MAPK4: variants seen among roughly 807,000 people sequenced by gnomAD.
MAPK4 encodes the protein Erk3-related.
MAPK4 carries 22 observed loss-of-function variants against 47.7 expected under a neutral mutation model. The observed-to-expected ratio is 0.46, with a 90% CI of 0.33 to 0.66. MAPK4 has a LOEUF of 0.66. MAPK4 is among the 30% of genes least tolerant of loss of function. The pLI is 0.02. For synonymous variants in MAPK4, 390 were observed against 365.7 expected (o/e 1.07, Z -0.76); for missense variants, 736 against 831.7 (o/e 0.88, Z 1.42).
chr18:50,626,223 A>G (rs954404760), intron 1 of MAPK4, among the ~76,000 whole-genome samples: 4 of 152,230 alleles, frequency 2.6e-5, no homozygotes, highest in Non-Finnish European at 5.9e-5. Flanking sequence ...TTACAGAAAC[A>G]TCCAGAATAA....
At chr18:50,609,630 T>C (rs983257946) in intron 1 of MAPK4, among the ~76,000 whole-genome samples, 2 of 152,166 alleles carry the variant, frequency 1.3e-5, no homozygotes, top group African/African-American at 2.4e-5. Context: ...GGTACTATTC[T>C]AAGTGCTTGA....
intron 1 of MAPK4, among the ~76,000 whole-genome samples, chr18:50,616,225 C>A (rs886161281): frequency 6.6e-6 from 1 of 152,100 alleles, no homozygotes; most frequent in Non-Finnish European, 1.5e-5. Flanking sequence ...TTGAAAGATG[C>A]CTGGACAGTG....
chr18:50,616,806 T>C (rs2042688648), intron 1 of MAPK4, among the ~76,000 whole-genome samples: 1 of 152,244 alleles, frequency 6.6e-6, no homozygotes, highest in African/African-American at 2.4e-5. Context: ...CCTGCTTTTA[T>C]GCTGTCAGCT....
In MAPK4 at chr18:50,729,193, G is replaced by T; in HGVS notation, c.1103G>T (p.Arg368Leu). The change falls in exon 6 of 6, where the codon CGG (arginine) becomes CTG (leucine). Residue 368 changes from arginine (R) to leucine (L), a missense_variant. Physicochemically the swap from Arg to Leu is moderately radical, Grantham distance 102. This residue lies in a region of MAPK4 where 377 missense variants were observed against 378.6 expected (regional missense o/e 1.00). Transcript: ENST00000400384. ...AGCCTGTCGTCGGACCTGGAGTGGC[G>T]GCCTGACCGGTGCCAGGACGCCAGC... is the stretch of plus-strand genomic sequence containing the variant. ...PVSLSSDLEW[R>L]PDRCQDASEV... is the part of the protein sequence containing the mutation. 6.3e-7 allele frequency: 1 copy of T among 1,592,472 alleles called. No homozygotes were observed. The highest frequency in any genetic ancestry group is 1.1e-5 in the South Asian group (1 of 90,064).
chr18:50,605,882 A>G lies in MAPK4; in HGVS notation c.-871+45639A>G, dbSNP rs191729089. Among the ~76,000 whole-genome samples, 39 of 152,126 alleles carry G rather than the reference A, an allele frequency of 2.6e-4. No homozygotes were observed. The East Asian group carries it at 6.0e-3, about 23-fold the overall frequency. On this transcript the variant is annotated intron_variant, in intron 1 of 5. Transcript: ENST00000400384. Reference sequence around the variant, plus strand: ...TTCCTCCTGGATCTTCTTGTTCTTTAGGTTAGTGGCAGTCAGAGGGAAAGA... The same window carrying G: ...TTCCTCCTGGATCTTCTTGTTCTTTGGGTTAGTGGCAGTCAGAGGGAAAGA...
At chr18:50,652,847 G>C (rs2043065349) in intron 1 of MAPK4, among the ~76,000 whole-genome samples, 1 of 152,134 alleles carries the variant, frequency 6.6e-6, no homozygotes, top group Non-Finnish European at 1.5e-5. Context: ...ATCAGGGAAG[G>C]CTTCCTGGAG....
intron 1 of MAPK4, among the ~76,000 whole-genome samples, chr18:50,579,566 A>G (rs2042325836): frequency 6.6e-6 from 1 of 151,990 alleles, no homozygotes; most frequent in Non-Finnish European, 1.5e-5. Context: ...CTTTTTTGGT[A>G]CTAGCTGGGA....
chr18:50,627,363 C>G (rs2042788030), intron 1 of MAPK4, among the ~76,000 whole-genome samples: 1 of 152,192 alleles, frequency 6.6e-6, no homozygotes, highest in Admixed American at 6.5e-5. Context: ...GAAGAGGTTA[C>G]AATGGATAGC....
At chr18:50,590,146 T>C (rs1043755401) in intron 1 of MAPK4, among the ~76,000 whole-genome samples, 7 of 152,236 alleles carry the variant, frequency 4.6e-5, no homozygotes, top group Non-Finnish European at 2.9e-5. Flanking sequence ...ATAATAGGCC[T>C]ATCTTGATGC....
intron 2 of MAPK4, among the ~76,000 whole-genome samples, chr18:50,684,631 C>T (rs1393814871): frequency 6.6e-6 from 1 of 152,118 alleles, no homozygotes; most frequent in Non-Finnish European, 1.5e-5. Context: ...CTCCTGGCCT[C>T]CCCATCACAG....
Position 50,565,522 on chromosome 18 carries a change from T to C in MAPK4, c.-871+5279T>C, listed in dbSNP as rs573758782. On this transcript the variant is annotated intron_variant, in intron 1 of 5. Coordinates refer to ENST00000400384, the MANE Select transcript of MAPK4 (RefSeq NM_002747.4). ...TACCTGAGCCTGGGATGAGATGTCC[T>C]TGCATTAAAACAGGCCAGGCAGGAA... Among the ~76,000 whole-genome samples the C allele has an allele frequency of 2.6e-5, 4 of 152,360 alleles. No individual in the cohort carries two copies. In the East Asian group the frequency reaches 7.7e-4, roughly 29 times the overall value.
rs1256680029 is a variant in MAPK4 at position 50,576,382 on chromosome 18, C to T, written c.-871+16139C>T. Among the ~76,000 whole-genome samples the T allele has an allele frequency of 3.3e-5, 5 of 152,238 alleles. No homozygotes were observed. The South Asian group carries it at 8.3e-4, about 25-fold the overall frequency. On this transcript the variant is annotated intron_variant, in intron 1 of 5. Coordinates refer to ENST00000400384, the MANE Select transcript of MAPK4 (RefSeq NM_002747.4). Reference sequence around the variant, plus strand: ...GAGGCCATTATCCTGAGTAAACTAACGTAGGAACAGAAAACCAAATACTGC... The same window carrying T: ...GAGGCCATTATCCTGAGTAAACTAATGTAGGAACAGAAAACCAAATACTGC...
intron 1 of MAPK4, among the ~76,000 whole-genome samples, chr18:50,565,961 G>A (rs2042194927): frequency 6.6e-6 from 1 of 152,060 alleles, no homozygotes; most frequent in African/African-American, 2.4e-5. Flanking sequence ...AAATAATAAG[G>A]CTTTAAAAAT....
chr18:50,704,071 CAG>C (rs1383040040), intron 2 of MAPK4, among the ~76,000 whole-genome samples: 1 of 152,140 alleles, frequency 6.6e-6, no homozygotes, highest in Non-Finnish European at 1.5e-5. Flanking sequence ...GACCTTGTGA[CAG>C]AGAGACTTTT....
chr18:50,577,917 T>A (rs2042311796), intron 1 of MAPK4, among the ~76,000 whole-genome samples: 1 of 152,194 alleles, frequency 6.6e-6, no homozygotes, highest in Admixed American at 6.5e-5. Context: ...TCCTGATGTA[T>A]CTAACATTGT....
Position 50,715,214 on chromosome 18 carries a change from C to A in MAPK4, c.682C>A (p.Leu228Ile). ...ILAEMLTGRM[L>I]FAGAHELEQM... is the part of the protein sequence containing the mutation. The stretch of plus-strand genomic sequence containing the variant: ...GGCTGAGATGCTTACGGGGAGAATG[C>A]TCTTTGCTGGTGAGTTGCTAACTAT... Residue 228 changes from leucine to isoleucine, a missense_variant, in exon 3 of 6, where the codon CTC (leucine) becomes ATC (isoleucine). Physicochemically the swap from Leu to Ile is conservative, Grantham distance 5. Around this residue, in one of 3 missense-constraint regions of MAPK4, gnomAD observed 327 missense variants for 395.4 expected, o/e 0.83. Transcript: ENST00000400384. 6.2e-7 allele frequency: 1 copy of A among 1,613,762 alleles called. No homozygotes were observed. The highest frequency in any genetic ancestry group is 8.5e-7 in the Non-Finnish European group (1 of 1,179,894).
chr18:50,612,938 C>A (rs1465410570), intron 1 of MAPK4, among the ~76,000 whole-genome samples: 1 of 152,080 alleles, frequency 6.6e-6, no homozygotes, highest in African/African-American at 2.4e-5. Flanking sequence ...ACCTTGTAGC[C>A]GGAGAAACAT....
chr18:50,664,428 T>G lies in MAPK4; in HGVS notation c.470T>G (p.Ile157Ser). The G allele has an allele frequency of 1.2e-6, 2 of 1,614,132 alleles. No homozygotes were observed. The highest frequency in any genetic ancestry group is 1.7e-6 in the Non-Finnish European group (2 of 1,180,012). ...HRDLKPANIF[I>S]STEDLVLKIG... ...GACCTGAAGCCCGCCAACATCTTCA[T>G]CAGCACAGAGGACCTCGTGCTCAAG... The change falls in exon 2 of 6, where the codon ATC (isoleucine) becomes AGC (serine). Residue 157 changes from isoleucine (I) to serine (S), a missense_variant. Physicochemically the swap from Ile to Ser is moderately radical, Grantham distance 142 (BLOSUM62 -2). Coordinates refer to ENST00000400384, the MANE Select transcript of MAPK4 (RefSeq NM_002747.4). The surrounding 1 kb of genome is among the most constrained non-coding windows in gnomAD (Gnocchi z 6.0).
chr18:50,673,132 C>T (rs1428792311), intron 2 of MAPK4, among the ~76,000 whole-genome samples: 1 of 152,118 alleles, frequency 6.6e-6, no homozygotes, highest in African/African-American at 2.4e-5. Context: ...CGAAAATTAG[C>T]CTGGTGTGGT....
Sources: gnomAD v4.1 joint callset for allele counts (sites outside exome capture counted in the v4.1 genomes callset) on GRCh38, gnomAD v4.1.1 for gene constraint, gnomAD v4.1.1 regional missense constraint, Gnocchi (gnomAD v3.1) non-coding constraint, MANE v1.5 for transcripts, NCBI Gene and HGNC (gene_info 2026-07-23, HGNC 2026-07-21) for gene names.